The following DNAH12 variants were observed in gnomAD, a reference collection of about 807,000 sequenced individuals.
DNAH12 encodes axonemal beta dynein heavy chain 12.
In DNAH12, 285 loss-of-function variants were observed where a neutral mutation model predicts 371.5. The observed-to-expected ratio is 0.77, with a 90% confidence interval of 0.70 to 0.85. DNAH12 has a LOEUF of 0.85. Ranked by LOEUF, DNAH12 falls within the 40% of genes least tolerant of loss-of-function variation. The pLI is 0.00. For synonymous variants in DNAH12, 1,200 were observed against 1,213.0 expected (o/e 0.99, Z 0.22); for missense variants, 3,611 against 3,689.4 (o/e 0.98, Z 0.55).
chr3:57,431,062 C>G (rs1170349879), intron 32 of DNAH12, among the ~76,000 whole-genome samples: 12 of 152,186 alleles, frequency 7.9e-5, no homozygotes, highest in Non-Finnish European at 1.8e-4. Flanking sequence ...AAAAGTTCTA[C>G]TGGACATGCT....
intron 36 of DNAH12, among the ~76,000 whole-genome samples, chr3:57,419,738 A>T (rs1023632123): frequency 3.3e-5 from 5 of 152,108 alleles, no homozygotes; most frequent in Admixed American, 1.3e-4. Context: ...TAAAAAATAT[A>T]TTTTTTCAAT....
intron 43 of DNAH12, among the ~76,000 whole-genome samples, chr3:57,398,775 T>C (rs2063796430): frequency 1.3e-5 from 2 of 152,312 alleles, no homozygotes; most frequent in East Asian, 3.9e-4. Flanking sequence ...CTTAGTACTA[T>C]ATCTGCCTGA....
chr3:57,315,569 C>T (rs1184679110), intron 65 of DNAH12, among the ~76,000 whole-genome samples: 1 of 151,790 alleles, frequency 6.6e-6, no homozygotes, highest in Non-Finnish European at 1.5e-5. Flanking sequence ...ACTGAATGAT[C>T]ACATTTGTTT....
At chr3:57,364,291 T>C (rs1375781245) in intron 57 of DNAH12, among the ~76,000 whole-genome samples, 1 of 152,160 alleles carries the variant, frequency 6.6e-6, no homozygotes, top group African/African-American at 2.4e-5. Context: ...TAGAATAAGT[T>C]ATGACATGGT....
intron 1 of DNAH12, 44 bp downstream of exon 1, chr3:57,544,153 C>G (rs533477294): frequency 1.3e-5 from 2 of 152,260 alleles, no homozygotes; most frequent in African/African-American, 2.4e-5. Context: ...AATCGCGATA[C>G]CTGCCCTGGG....
rs1202271288 is a variant in DNAH12, at chr3:57,323,104, G to A, written c.10286C>T (p.Ser3429Phe). 6.4e-7 allele frequency: 1 copy of A among 1,552,406 alleles called. No individual in the cohort carries two copies. The highest frequency in any genetic ancestry group is 1.4e-5 in the African/African-American group (1 of 73,178). The change falls in exon 64 of 74, where the codon TCC becomes TTC. Residue 3429 changes from serine (S) to phenylalanine (F), a missense_variant. Physicochemically the swap from Ser to Phe is radical, Grantham distance 155. Transcript: ENST00000495027. ...VCLQNCHLAV[S>F]WMPMLEKICE... ...TATTTTTTCCAACATGGGCATCCAG[G>A]ACACTGCAAGATGGCAATTCTGTAG...
rs887025016 is a variant in DNAH12 at position 57,379,574 on chromosome 3, C to G, written c.8083-276G>C. Among the ~76,000 whole-genome samples, 7 of 152,170 alleles carry G rather than the reference C, an allele frequency of 4.6e-5. No individual in the cohort carries two copies. In the East Asian group the frequency reaches 1.4e-3, roughly 29 times the overall value. ...TACAAGTTTAGGCTGGGTGCAGTGG[C>G]TCACACCTGTAATCCCAGCACTTTG... On this transcript the variant is annotated intron_variant, in intron 51 of 73. Transcript: ENST00000495027.
intron 50 of DNAH12, among the ~76,000 whole-genome samples, chr3:57,381,939 C>T (rs2153342896): frequency 6.6e-6 from 1 of 151,848 alleles, no homozygotes; most frequent in South Asian, 2.1e-4. Flanking sequence ...ACAATCTTGG[C>T]TCACTGTAAC....
Position 57,323,006 on chromosome 3 carries a change from CT to C in DNAH12, c.10383del (p.Lys3461AsnfsTer4). On this transcript the variant is annotated frameshift_variant and splice_region_variant, in exon 64 of 74. Transcript: ENST00000495027. LOFTEE classifies it high-confidence loss of function. Reference sequence around the variant, plus strand: ...TTAACTCTATAAGGAAATAAACATACTTTTGAAGATGGATAGCTTGTCAGCC... The same window carrying C: ...TTAACTCTATAAGGAAATAAACATACTTTGAAGATGGATAGCTTGTCAGCC... Reference protein sequence around the residue: ...RLWLTSYPSSKFPVTILQNGV... With the variant: ...RLWLTSYPSSXFPVTILQNGV... 1 of 1,551,616 alleles carries C rather than the reference CT, an allele frequency of 6.4e-7. No individual in the cohort carries two copies. Among genetic ancestry groups the C allele is most frequent in the Non-Finnish European group, 8.7e-7 (1 of 1,146,936 alleles).
In DNAH12 at chr3:57,428,806, G is replaced by A. The variant is rs1054648628; in HGVS notation, c.5080C>T (p.Arg1694Cys). The change falls in exon 34 of 74, where the codon CGT (arginine) becomes TGT (cysteine). Residue 1694 changes from arginine to cysteine, a missense_variant. Physicochemically the swap from Arg to Cys is radical, Grantham distance 180. Around this residue, in one of 3 missense-constraint regions of DNAH12, gnomAD observed 2,266 missense variants for 2,236.9 expected, o/e 1.01. Transcript: ENST00000495027. ...LSQASPATVSRCGMIYLEPSQ... is the reference protein window; with the variant it reads ...LSQASPATVSCCGMIYLEPSQ... ...GGCTCCAAATAAATCATACCACAAC[G>A]ACTTACAGTGGCAGGCTAGAGAAAA... 63 of 1,530,836 alleles carry A rather than the reference G, an allele frequency of 4.1e-5. No homozygotes were observed. Among genetic ancestry groups the A allele is most frequent in the Non-Finnish European group, 5.3e-5 (60 of 1,140,452 alleles). 94.8% of individuals were successfully genotyped at this position (1,530,836 alleles called of 1,614,324 possible).
chr3:57,304,293 C>T (rs1278693320), intron 69 of DNAH12, among the ~76,000 whole-genome samples: 1 of 152,196 alleles, frequency 6.6e-6, no homozygotes. Context: ...ATCGGGGGAC[C>T]TCCCTTGGGA....
At position 57,542,882 on chromosome 3, in the gene DNAH12, A is replaced by C. The variant is rs2069355130; in HGVS notation, c.-12T>G. ...TTTGCATCTGACATCTTGATCCCCT[A>C]AAGATTAAAATACTCTGTACTCTGA... On this transcript the variant is annotated 5_prime_UTR_variant, in exon 2 of 74. Coordinates refer to ENST00000495027, the MANE Select transcript of DNAH12 (RefSeq NM_001366028.2). 6.4e-7 allele frequency: 1 copy of C among 1,573,110 alleles called. No individual in the cohort carries two copies. The highest frequency in any genetic ancestry group is 2.0e-5 in the Admixed American group (1 of 50,610).
At chr3:57,383,155 G>C (rs2063431057) in intron 49 of DNAH12, among the ~76,000 whole-genome samples, 1 of 152,190 alleles carries the variant, frequency 6.6e-6, no homozygotes, top group Non-Finnish European at 1.5e-5. Flanking sequence ...GTGGCTTTGT[G>C]AGTCATTCCT....
At position 57,313,263 on chromosome 3, in the gene DNAH12, T is replaced by C. The variant is rs538876433; in HGVS notation, c.10662+1231A>G. ...AGAACAGACCACCTATGGTGGCTCATGCCTGTAACCCAGCTTGAGACCAGG... is the reference window on the plus strand; with the variant it reads ...AGAACAGACCACCTATGGTGGCTCACGCCTGTAACCCAGCTTGAGACCAGG... On this transcript the variant is annotated intron_variant, in intron 66 of 73. Transcript: ENST00000495027. Among the ~76,000 whole-genome samples, 3 of 152,268 alleles carry C rather than the reference T, an allele frequency of 2.0e-5. No individual in the cohort carries two copies. The South Asian group carries it at 6.2e-4, about 32-fold the overall frequency.
At chr3:57,357,082 T>C (rs2153325303) in intron 59 of DNAH12, 94 bp downstream of exon 59, 1 of 152,234 alleles carries the variant, frequency 6.6e-6, no homozygotes, top group East Asian at 1.9e-4. Flanking sequence ...GGATATACAT[T>C]ATATAAGTTT....
In DNAH12 at chr3:57,334,104, C is replaced by A. The variant is rs568422616; in HGVS notation, c.9978+361G>T. On this transcript the variant is annotated intron_variant, in intron 62 of 73. Transcript: ENST00000495027. The stretch of plus-strand genomic sequence containing the variant: ...GATTAGACAATACAAAAGAAGAAAT[C>A]AACAAATGTAAAGATAGCAACAGAA... Among the ~76,000 whole-genome samples the A allele has an allele frequency of 1.2e-3, 176 of 152,216 alleles. 2 individuals are homozygous for A. The highest frequency in any genetic ancestry group is 4.1e-3 in the African/African-American group (170 of 41,530).
At chr3:57,462,925 C>T in intron 17 of DNAH12, 50 bp from the exon 18 acceptor site, 1 of 1,290,160 alleles carries the variant, frequency 7.8e-7, no homozygotes, top group Non-Finnish European at 1.1e-6. Context: ...GACTTCCACA[C>T]ACATAGATTC....
At chr3:57,358,296 T>C (rs1339458325) in intron 58 of DNAH12, among the ~76,000 whole-genome samples, 1 of 152,176 alleles carries the variant, frequency 6.6e-6, no homozygotes, top group Non-Finnish European at 1.5e-5. Flanking sequence ...TGTTGGTTTC[T>C]ACATGCTAGA....
chr3:57,419,416 C>T lies in DNAH12; in HGVS notation c.5665G>A (p.Asp1889Asn). The T allele has an allele frequency of 2.0e-6, 3 of 1,511,982 alleles. No homozygotes were observed. The highest frequency in any genetic ancestry group is 2.6e-6 in the Non-Finnish European group (3 of 1,134,664). The allele number at this position is 1,511,982 out of a possible 1,614,324, so 93.7% of individuals were successfully genotyped here. Residue 1889 changes from aspartate (D) to asparagine (N), a missense_variant, in exon 37 of 74, where the codon GAC becomes AAC. This residue lies in a region of DNAH12 where 2,266 missense variants were observed against 2,236.9 expected (regional missense o/e 1.01). Coordinates refer to ENST00000495027, the MANE Select transcript of DNAH12 (RefSeq NM_001366028.2). ...ATTAGAAACGTATATCTAATTGTGT[C>T]CATCGTAGGGACTATGATATCTTGA... Reference protein sequence around the residue: ...KIQDIIVPTMDTIRYTFLMDL... With the variant: ...KIQDIIVPTMNTIRYTFLMDL...
Sources: gnomAD v4.1 joint callset for allele counts (sites outside exome capture counted in the v4.1 genomes callset) on GRCh38, gnomAD v4.1.1 for gene constraint, gnomAD v4.1.1 regional missense constraint, MANE v1.5 for transcripts, NCBI Gene and HGNC (gene_info 2026-07-23, HGNC 2026-07-21) for gene names.